The following CSMD1 variants were observed in gnomAD, a reference collection of about 807,000 sequenced individuals.
The protein encoded by CSMD1 is CUB and sushi domain-containing protein 1.
CSMD1 carries 213 observed loss-of-function variants against 417.5 expected under a neutral mutation model. The ratio of observed to expected loss-of-function variants is 0.51; its 90% confidence interval spans 0.46 to 0.57. The LOEUF is 0.57. CSMD1 is among the 20% of genes least tolerant of loss of function. The probability of loss-of-function intolerance (pLI) is 0.00; values close to 1 mark genes in which losing one functional copy is unlikely to be tolerated. For missense variants in CSMD1, 6,923 were observed against 4,529.7 expected, an observed-to-expected ratio of 1.53 and a Z score of -15.17; for synonymous variants, 2,862 against 1,736.8, an observed-to-expected ratio of 1.65 and a Z score of -16.11.
intron 3 of CSMD1, among the ~76,000 whole-genome samples, chr8:4,260,376 G>T (rs1408778466): frequency 6.6e-6 from 1 of 152,016 alleles, no homozygotes; most frequent in South Asian, 2.1e-4. Context: ...GGAGTTATTT[G>T]TATACTTCGG....
chr8:3,140,860 G>A (rs987774632), intron 41 of CSMD1, among the ~76,000 whole-genome samples: 15 of 152,152 alleles, frequency 9.9e-5, no homozygotes, highest in Admixed American at 2.6e-4. Flanking sequence ...AAAATGCTTT[G>A]ATGATGCAAA....
At chr8:3,221,312 G>A (rs559519680) in intron 28 of CSMD1, among the ~76,000 whole-genome samples, 7 of 152,136 alleles carry the variant, frequency 4.6e-5, no homozygotes, top group Non-Finnish European at 7.3e-5. Context: ...GTTCACTGAC[G>A]TCAGGAATGA....
intron 5 of CSMD1, among the ~76,000 whole-genome samples, chr8:3,944,366 T>C (rs1233387958): frequency 6.6e-6 from 1 of 152,174 alleles, no homozygotes; most frequent in African/African-American, 2.4e-5. Flanking sequence ...CAAAATAAGA[T>C]GTGTTCCTCT....
chr8:3,325,125 AC>A (rs959538734), intron 23 of CSMD1, among the ~76,000 whole-genome samples: 57 of 152,310 alleles, frequency 3.7e-4, no homozygotes, highest in African/African-American at 1.3e-3. Context: ...AAAATGACCT[AC>A]ATAACAAAAA....
chr8:3,852,962 C>G (rs900008564), intron 5 of CSMD1, among the ~76,000 whole-genome samples: 1 of 152,160 alleles, frequency 6.6e-6, no homozygotes, highest in African/African-American at 2.4e-5. Context: ...ATTTGCACCG[C>G]TTTATGGCAA....
chr8:3,460,674 A>T (rs943723318), intron 12 of CSMD1, among the ~76,000 whole-genome samples: 18 of 152,210 alleles, frequency 1.2e-4, no homozygotes, highest in African/African-American at 4.1e-4. Flanking sequence ...ATTCGTGGAG[A>T]AAAAGAGAAC....
intron 1 of CSMD1, among the ~76,000 whole-genome samples, chr8:4,686,726 T>C (rs1563141738): frequency 2.0e-5 from 3 of 152,214 alleles, no homozygotes; most frequent in African/African-American, 7.2e-5. Flanking sequence ...TTAACTATTT[T>C]GTCATGGGGG....
chr8:4,644,508 G>A (rs1803394005), intron 1 of CSMD1, among the ~76,000 whole-genome samples: 1 of 152,160 alleles, frequency 6.6e-6, no homozygotes, highest in African/African-American at 2.4e-5. Flanking sequence ...CCAGGTTCAA[G>A]TGATCCTCCC....
At chr8:3,676,316 C>G (rs1007976317) in intron 7 of CSMD1, among the ~76,000 whole-genome samples, 2 of 152,088 alleles carry the variant, frequency 1.3e-5, no homozygotes, top group African/African-American at 4.8e-5. Context: ...AAGCTGTATT[C>G]TTTTCTGAAG....
chr8:3,175,459 T>C lies in CSMD1; in HGVS notation c.5725+5651A>G, dbSNP rs1197118207. Among the ~76,000 whole-genome samples, 49 of 75,276 alleles carry C rather than the reference T, an allele frequency of 6.5e-4. No homozygotes were observed. The East Asian group carries it at 0.017, about 26-fold the overall frequency. 49.4% of individuals were successfully genotyped at this position (75,276 alleles called of 152,430 possible). On this transcript the variant is annotated intron_variant, in intron 37 of 69. Transcript: ENST00000635120. ...CTCCCTTCCCTCCCTCCCTTCCTTC[T>C]TTCCTTCCTTCTTTTCCCTTCCTTC...
At chr8:4,547,845 T>C (rs150691975) in intron 2 of CSMD1, among the ~76,000 whole-genome samples, 121 of 152,332 alleles carry the variant, frequency 7.9e-4, no homozygotes, top group African/African-American at 2.7e-3. Flanking sequence ...GTTTTGTTGT[T>C]GTTGCACGGG....
chr8:4,897,671 G>T (rs190052772), intron 1 of CSMD1, among the ~76,000 whole-genome samples: 1 of 152,046 alleles, frequency 6.6e-6, no homozygotes, highest in African/African-American at 2.4e-5. Flanking sequence ...AGTATCTTAA[G>T]CCAGCACAAC....
chr8:4,258,353 GA>G (rs1408172298), intron 3 of CSMD1, among the ~76,000 whole-genome samples: 2 of 41,794 alleles, frequency 4.8e-5, no homozygotes. Context: ...GAGGGAGAAA[GA>G]GAAGGAGGGA....
intron 3 of CSMD1, among the ~76,000 whole-genome samples, chr8:4,088,267 C>G (rs1342596494): frequency 6.6e-6 from 1 of 152,204 alleles, no homozygotes; most frequent in African/African-American, 2.4e-5. Context: ...GAGTCGTGTT[C>G]CCACTTCTCA....
chr8:4,516,212 G>A (rs545676999), intron 2 of CSMD1, among the ~76,000 whole-genome samples: 1 of 152,122 alleles, frequency 6.6e-6, no homozygotes, highest in African/African-American at 2.4e-5. Flanking sequence ...GACACACACA[G>A]AGGGAAGACC....
intron 3 of CSMD1, among the ~76,000 whole-genome samples, chr8:4,197,440 G>C (rs1275837935): frequency 1.3e-5 from 2 of 152,154 alleles, no homozygotes; most frequent in East Asian, 1.9e-4. Context: ...ATTTCCTTCT[G>C]TAATGTAGGT....
chr8:3,252,094 C>T (rs186389824), intron 26 of CSMD1, among the ~76,000 whole-genome samples: 1 of 152,318 alleles, frequency 6.6e-6, no homozygotes, highest in Non-Finnish European at 1.5e-5. Context: ...ACTTCCAACA[C>T]TATGTTGAAT....
chr8:3,567,571 G>A (rs1318384067), intron 10 of CSMD1, among the ~76,000 whole-genome samples: 1 of 151,578 alleles, frequency 6.6e-6, no homozygotes, highest in East Asian at 1.9e-4. Flanking sequence ...GGGAAGGAAA[G>A]GGAAGGGAAA....
At chr8:3,885,934 A>G (rs1415557409) in intron 5 of CSMD1, among the ~76,000 whole-genome samples, 2 of 152,150 alleles carry the variant, frequency 1.3e-5, no homozygotes, top group Non-Finnish European at 2.9e-5. Context: ...TAAATTGTTA[A>G]AAGTTGATAA....
Sources: allele counts gnomAD v4.1 joint callset (sites outside exome capture counted in the v4.1 genomes callset), GRCh38; gene constraint gnomAD v4.1.1; transcripts MANE v1.5; gene names NCBI Gene and HGNC (gene_info 2026-07-23, HGNC 2026-07-21).